The following NEDD4L variants were observed in gnomAD, a reference collection of about 807,000 sequenced individuals.
NEDD4L encodes the protein E3 ubiquitin-protein ligase NEDD4-like.
A neutral mutation model predicts 148.9 loss-of-function variants in NEDD4L; 54 were observed. The ratio of observed to expected loss-of-function variants is 0.36; its 90% CI spans 0.29 to 0.45. The LOEUF is 0.45. Ranked by LOEUF, NEDD4L falls within the 20% of genes least tolerant of loss-of-function variation. The pLI, the probability that NEDD4L is intolerant of heterozygous loss-of-function variation, is 1.00. For missense variants in NEDD4L, 856 were observed against 1,233.8 expected (o/e 0.69, Z 4.59); for synonymous variants, 433 against 440.7 (o/e 0.98, Z 0.22).
At chr18:58,121,341 T>C (rs2086228447) in intron 1 of NEDD4L, among the ~76,000 whole-genome samples, 1 of 152,154 alleles carries the variant, frequency 6.6e-6, no homozygotes, top group African/African-American at 2.4e-5. Context: ...GTGAGATAGA[T>C]TTTAGAACCC....
intron 5 of NEDD4L, among the ~76,000 whole-genome samples, chr18:58,311,779 G>A (rs17064747): frequency 0.021 from 3,198 of 152,296 alleles, 112 homozygotes; most frequent in African/African-American, 0.073. Context: ...TATTTTGTGA[G>A]GACATCTAAG....
chr18:58,259,997 T>G (rs558404652), intron 5 of NEDD4L, among the ~76,000 whole-genome samples: 3 of 152,240 alleles, frequency 2.0e-5, no homozygotes, highest in Admixed American at 2.0e-4. Context: ...TATTAGTCGA[T>G]GTCTGTTTTT....
intron 2 of NEDD4L, among the ~76,000 whole-genome samples, chr18:58,193,086 G>A (rs2094791235): frequency 1.3e-5 from 2 of 152,122 alleles, no homozygotes; most frequent in South Asian, 4.1e-4. Flanking sequence ...GGGTGTGGAT[G>A]AGGTCAGATG....
At chr18:58,126,284 A>G (rs928828801) in intron 1 of NEDD4L, among the ~76,000 whole-genome samples, 3 of 152,228 alleles carry the variant, frequency 2.0e-5, no homozygotes, top group Admixed American at 6.5e-5. Context: ...TCCTTTAGCT[A>G]TGACTTTGTG....
At chr18:58,309,371 C>CT (rs1181215286) in intron 5 of NEDD4L, among the ~76,000 whole-genome samples, 1 of 152,222 alleles carries the variant, frequency 6.6e-6, no homozygotes, top group Admixed American at 6.5e-5. Context: ...TCAGCAGAAT[C>CT]TGTCACTCCC....
In NEDD4L at chr18:58,061,856, T is replaced by G. The variant is rs143181406; in HGVS notation, c.48+17148T>G. On this transcript the variant is annotated intron_variant, in intron 1 of 30. Coordinates refer to ENST00000400345, the MANE Select transcript of NEDD4L (RefSeq NM_001144967.3). Reference sequence around the variant, plus strand: ...CCTTTTGAGAATTAGTTTGTTTTAGTTGAGAATGATTAGAGGGCTAGAATG... The same window carrying G: ...CCTTTTGAGAATTAGTTTGTTTTAGGTGAGAATGATTAGAGGGCTAGAATG... Among the ~76,000 whole-genome samples the G allele has an allele frequency of 3.3e-3, 502 of 152,294 alleles. 12 individuals carry two copies. The highest frequency in any genetic ancestry group is 0.019 in the Admixed American group (296 of 15,294).
intron 2 of NEDD4L, among the ~76,000 whole-genome samples, chr18:58,203,037 A>C (rs1321370691): frequency 6.6e-6 from 1 of 152,068 alleles, no homozygotes; most frequent in Non-Finnish European, 1.5e-5. Flanking sequence ...ACACACTTGT[A>C]GCTCACTGCA....
At chr18:58,182,250 G>T (rs60913600) in intron 2 of NEDD4L, among the ~76,000 whole-genome samples, 1 of 152,046 alleles carries the variant, frequency 6.6e-6, no homozygotes, top group Non-Finnish European at 1.5e-5. Flanking sequence ...AATGCGGGGC[G>T]GGGGGTGAAT....
In NEDD4L at chr18:58,398,157, T is replaced by TAAAAAAAAAAAA. The variant is rs35545013; in HGVS notation, c.*1914_*1925dup. The TAAAAAAAAAAAA allele has an allele frequency of 9.4e-4, 29 of 31,012 alleles. 4 individuals carry two copies. Among genetic ancestry groups the TAAAAAAAAAAAA allele is most frequent in the African/African-American group, 2.3e-3 (25 of 10,928 alleles). The allele number at this position is 31,012 out of a possible 1,614,324, so 1.9% of individuals were successfully genotyped here. A position where few individuals can be genotyped will look rare whatever the true frequency, so the allele number is the denominator to read the frequency against. On this transcript the variant is annotated 3_prime_UTR_variant, in exon 31 of 31. Transcript: ENST00000400345. ...TCAGAAAACTTAGATGCTATGTAAC[T>TAAAAAAAAAAAA]AAAAAAAAAAAAAAAAAAAAAAAAA...
intron 2 of NEDD4L, among the ~76,000 whole-genome samples, chr18:58,213,298 A>T (rs1165921309): frequency 1.3e-5 from 2 of 152,336 alleles, no homozygotes; most frequent in African/African-American, 2.4e-5. Context: ...TTATTGTACC[A>T]TTATAGTGGC....
intron 1 of NEDD4L, among the ~76,000 whole-genome samples, chr18:58,086,417 A>G (rs1431705642): frequency 6.6e-6 from 1 of 152,172 alleles, no homozygotes; most frequent in Non-Finnish European, 1.5e-5. Context: ...AGAGACTGGC[A>G]GGTTGAGGAG....
At chr18:58,072,870 GCGCACA>G (rs1455630485) in intron 1 of NEDD4L, among the ~76,000 whole-genome samples, 1,572 of 106,462 alleles carry the variant, frequency 0.015, 19 homozygotes, top group African/African-American at 0.046. Context: ...GCGCGCGCGC[GCGCACA>G]CACACACACA....
chr18:58,362,718 A>T (rs1292657209), intron 19 of NEDD4L, among the ~76,000 whole-genome samples: 2 of 152,258 alleles, frequency 1.3e-5, no homozygotes, highest in African/African-American at 4.8e-5. Context: ...CCTTGCACAG[A>T]GTAGGTGCTC....
rs1273725561 is a variant in NEDD4L at position 58,165,792 on chromosome 18, A to G, written c.53A>G (p.Glu18Gly). ...PVYGLSEDEG[E>G]SRILRVKVVS... Reference sequence around the variant, plus strand: ...TTTTTGTTCTCCTTCTCACAGGGAGAGTCCCGTATTCTCAGAGTAAAAGTT... The same window carrying G: ...TTTTTGTTCTCCTTCTCACAGGGAGGGTCCCGTATTCTCAGAGTAAAAGTT... Residue 18 changes from glutamate to glycine, a missense_variant, in exon 2 of 31, where the codon GAG becomes GGG. Transcript: ENST00000400345. 1 of 1,610,270 alleles carries G rather than the reference A, an allele frequency of 6.2e-7. No homozygotes were observed. Among genetic ancestry groups the G allele is most frequent in the African/African-American group, 1.3e-5 (1 of 75,034 alleles).
intron 1 of NEDD4L, among the ~76,000 whole-genome samples, chr18:58,151,625 A>ATGTG (rs113714456): frequency 0.037 from 5,236 of 141,042 alleles, 235 homozygotes; most frequent in African/African-American, 0.11. Context: ...GTGCCTGGAT[A>ATGTG]TGTGTGTGTG....
At chr18:58,259,375 C>T (rs2049036563) in intron 5 of NEDD4L, among the ~76,000 whole-genome samples, 1 of 152,178 alleles carries the variant, frequency 6.6e-6, no homozygotes, top group Non-Finnish European at 1.5e-5. Flanking sequence ...TTTACCAATT[C>T]AGTCTGTGGC....
chr18:58,222,084 A>G (rs989970254), intron 2 of NEDD4L, among the ~76,000 whole-genome samples: 12 of 152,234 alleles, frequency 7.9e-5, no homozygotes, highest in African/African-American at 2.7e-4. Flanking sequence ...CAAAGCAATA[A>G]TACTTTTATT....
intron 13 of NEDD4L, among the ~76,000 whole-genome samples, chr18:58,340,740 T>C (rs1270603301): frequency 1.3e-5 from 2 of 152,194 alleles, no homozygotes; most frequent in Non-Finnish European, 2.9e-5. Flanking sequence ...GATGATAATG[T>C]TTTTCCCTTT....
chr18:58,136,695 G>A (rs566956697), intron 1 of NEDD4L, among the ~76,000 whole-genome samples: 45 of 152,324 alleles, frequency 3.0e-4, no homozygotes, highest in Non-Finnish European at 5.0e-4. Flanking sequence ...CAGAAAAGCC[G>A]AGCAAGTCAG....
Sources: allele counts gnomAD v4.1 joint callset (sites outside exome capture counted in the v4.1 genomes callset), GRCh38; gene constraint gnomAD v4.1.1; transcripts MANE v1.5; gene names NCBI Gene and HGNC (gene_info 2026-07-23, HGNC 2026-07-21).